HTR2C: variants seen among roughly 807,000 people sequenced by gnomAD.
HTR2C encodes 5-hydroxytryptamine receptor 2C.
HTR2C carries 5 observed loss-of-function variants against 21.0 expected under a neutral mutation model. That is an observed-to-expected ratio of 0.24 (90% CI 0.12 to 0.50). The LOEUF (loss-of-function observed/expected upper bound fraction) is 0.50, where lower values mean the gene tolerates loss of function less well. Ranked by LOEUF, HTR2C falls within the 20% of genes least tolerant of loss-of-function variation. The pLI is 0.98. For missense variants in HTR2C, 271 were observed against 371.2 expected (o/e 0.73, Z 2.22); for synonymous variants, 150 against 145.3 (o/e 1.03, Z -0.23).
At chrX:114,608,942 G>A (rs1228736082) in intron 1 of HTR2C, among the ~76,000 whole-genome samples, 1 of 111,871 alleles carries the variant, frequency 8.9e-6, no homozygotes, top group Non-Finnish European at 1.9e-5. Context: ...GTCATAAGAA[G>A]CAATTGATTG....
At chrX:114,632,212 G>A (rs191287546) in intron 2 of HTR2C, among the ~76,000 whole-genome samples, 285 of 111,926 alleles carry the variant, frequency 2.5e-3, no homozygotes, top group African/African-American at 8.6e-3. Flanking sequence ...AGATTAGTTT[G>A]AATCCAGGAT....
chrX:114,655,507 A>G (rs1344087774), intron 2 of HTR2C, among the ~76,000 whole-genome samples: 2 of 111,934 alleles, frequency 1.8e-5, no homozygotes, highest in African/African-American at 3.2e-5. Flanking sequence ...AAAGTTGTCA[A>G]TTACTTTTTG....
At chrX:114,793,367 T>A (rs2070254230) in intron 4 of HTR2C, among the ~76,000 whole-genome samples, 1 of 111,788 alleles carries the variant, frequency 8.9e-6, no homozygotes, top group East Asian at 2.8e-4. Context: ...ATTGACGTGT[T>A]ACTGATCTAA....
intron 5 of HTR2C, among the ~76,000 whole-genome samples, chrX:114,867,115 C>T (rs2071051975): frequency 8.9e-6 from 1 of 111,829 alleles, no homozygotes; most frequent in Non-Finnish European, 1.9e-5. Context: ...TTTACATTCC[C>T]ACCAACAGTG....
intron 4 of HTR2C, among the ~76,000 whole-genome samples, chrX:114,795,207 C>G (rs1455424918): frequency 2.7e-5 from 3 of 110,568 alleles, no homozygotes; most frequent in Admixed American, 9.7e-5. Flanking sequence ...ATCCTTTGCC[C>G]ACTTTTTGAT....
intron 5 of HTR2C, among the ~76,000 whole-genome samples, chrX:114,900,833 A>G (rs1473741708): frequency 9.0e-6 from 1 of 111,528 alleles, no homozygotes; most frequent in African/African-American, 3.3e-5. Flanking sequence ...TGACCTCTTC[A>G]TTTTCAAAGA....
At chrX:114,625,359 G>A (rs1278250313) in intron 2 of HTR2C, among the ~76,000 whole-genome samples, 3 of 111,907 alleles carry the variant, frequency 2.7e-5, no homozygotes, top group Non-Finnish European at 3.8e-5. Flanking sequence ...GTTGGGTCAT[G>A]AGGTAAAATC....
intron 4 of HTR2C, among the ~76,000 whole-genome samples, chrX:114,768,506 T>C (rs369267391): frequency 1.6e-3 from 177 of 111,157 alleles, no homozygotes; most frequent in Middle Eastern, 5.5e-3. Flanking sequence ...GTATATTGGT[T>C]CAAATATAAT....
chrX:114,776,618 T>A, intron 4 of HTR2C: 1 of 517,616 alleles, frequency 1.9e-6, no homozygotes, highest in Non-Finnish European at 3.5e-6. Context: ...CTTTGCGGCA[T>A]CACCAATCAA....
At chrX:114,659,956 GCAAA>G (rs781973996) in intron 2 of HTR2C, among the ~76,000 whole-genome samples, 1 of 111,344 alleles carries the variant, frequency 9.0e-6, no homozygotes, top group Non-Finnish European at 1.9e-5. Flanking sequence ...AAGTAAATAA[GCAAA>G]CAAACAAAAA....
In HTR2C at chrX:114,741,524, TAAA is replaced by T. The variant is rs782206973; in HGVS notation, c.349+9940_349+9942del. ...GGCGACAGAGCAAGACGACTCCGTC[TAAA>T]AAAAAAAAAAAAAAAAAAAAAATAT... On this transcript the variant is annotated intron_variant, in intron 4 of 5. Transcript: ENST00000276198. 4.5e-3 allele frequency among the ~76,000 whole-genome samples: 22 copies of T among 4,895 alleles called. 1 individual carries two copies. The East Asian group carries it at 0.066, about 15-fold the overall frequency. 4.3% of individuals were successfully genotyped at this position (4,895 alleles called of 115,157 possible).
intron 2 of HTR2C, among the ~76,000 whole-genome samples, chrX:114,638,646 G>A (rs1220117000): frequency 9.7e-6 from 1 of 102,705 alleles, no homozygotes; most frequent in Non-Finnish European, 2.0e-5. Context: ...TCTAGCATTA[G>A]GTATATCTCC....
At chrX:114,803,193 C>A (rs1174387188) in intron 4 of HTR2C, among the ~76,000 whole-genome samples, 140 of 95,895 alleles carry the variant, frequency 1.5e-3, no homozygotes, top group Middle Eastern at 5.1e-3. Context: ...AATAAACATA[C>A]GTGTGCGTGT....
chrX:114,665,683 G>C (rs1931149228), intron 2 of HTR2C, among the ~76,000 whole-genome samples: 1 of 111,618 alleles, frequency 9.0e-6, no homozygotes, highest in African/African-American at 3.3e-5. Flanking sequence ...TCATTAAGTG[G>C]AAGTGGATCG....
chrX:114,732,631 A>C (rs978446041), intron 4 of HTR2C, among the ~76,000 whole-genome samples: 1 of 111,819 alleles, frequency 8.9e-6, no homozygotes, highest in African/African-American at 3.2e-5. Flanking sequence ...TATGCTTTTC[A>C]TATTCTTCAT....
chrX:114,595,008 T>C (rs1461444243), intron 1 of HTR2C, among the ~76,000 whole-genome samples: 5 of 111,801 alleles, frequency 4.5e-5, no homozygotes, highest in Admixed American at 9.5e-5. Context: ...AAATTTTCTT[T>C]GTAGATATTT....
chrX:114,768,976 C>T (rs932604058), intron 4 of HTR2C, among the ~76,000 whole-genome samples: 3 of 110,518 alleles, frequency 2.7e-5, no homozygotes, highest in Non-Finnish European at 5.7e-5. Flanking sequence ...TCATATGACA[C>T]TTCTAGCTTT....
chrX:114,822,676 G>A (rs1354191394), intron 4 of HTR2C, among the ~76,000 whole-genome samples: 1 of 112,068 alleles, frequency 8.9e-6, no homozygotes, highest in South Asian at 3.7e-4. Flanking sequence ...GGAAAGATGG[G>A]TTGTGAGACT....
At chrX:114,731,214 C>T (rs2069531904) in intron 3 of HTR2C, 80 bp from the exon 4 acceptor site, 2 of 581,092 alleles carry the variant, frequency 3.4e-6, no homozygotes, top group East Asian at 6.7e-5. Context: ...CATGAAGAAG[C>T]AGTTGTTTTG....
Sources: allele counts gnomAD v4.1 joint callset (sites outside exome capture counted in the v4.1 genomes callset), GRCh38; gene constraint gnomAD v4.1.1; transcripts MANE v1.5; gene names NCBI Gene and HGNC (gene_info 2026-07-23, HGNC 2026-07-21).